Variants in ADCK1 observed in about 807,000 individuals in gnomAD.
The protein encoded by ADCK1 is aarF domain containing kinase 1.
A neutral mutation model predicts 52.3 loss-of-function variants in ADCK1; 41 were observed. The ratio of observed to expected loss-of-function variants is 0.78; its 90% CI spans 0.61 to 1.02. The LOEUF is 1.02. Ranked by LOEUF, ADCK1 falls within the 50% of genes least tolerant of loss-of-function variation. The probability of loss-of-function intolerance (pLI) is 0.00; values close to 1 mark genes in which losing one functional copy is unlikely to be tolerated. For synonymous variants in ADCK1, 250 were observed against 274.6 expected (o/e 0.91, Z 0.89); for missense variants, 658 against 679.5 (o/e 0.97, Z 0.35).
At chr14:77,839,000 C>G (rs1343979698) in intron 3 of ADCK1, among the ~76,000 whole-genome samples, 1 of 152,206 alleles carries the variant, frequency 6.6e-6, no homozygotes, top group African/African-American at 2.4e-5. Context: ...GCTGCTGTGT[C>G]TGCAGCACTA....
intron 4 of ADCK1, among the ~76,000 whole-genome samples, chr14:77,875,051 G>C (rs2082868136): frequency 6.6e-6 from 1 of 152,096 alleles, no homozygotes; most frequent in Non-Finnish European, 1.5e-5. Context: ...AGCTGAGCTG[G>C]GTGTGCTGAG....
chr14:77,876,889 C>T (rs528480453), intron 4 of ADCK1, among the ~76,000 whole-genome samples: 1 of 152,308 alleles, frequency 6.6e-6, no homozygotes, highest in East Asian at 1.9e-4. Context: ...ATCCAGAAAG[C>T]TTTTTACTGG....
At chr14:77,875,166 G>C (rs533497636) in intron 4 of ADCK1, among the ~76,000 whole-genome samples, 97 of 152,246 alleles carry the variant, frequency 6.4e-4, no homozygotes, top group African/African-American at 2.1e-3. Flanking sequence ...TTGGACATAG[G>C]GAAGTGGAGA....
At chr14:77,899,325 T>G (rs2083480032) in intron 6 of ADCK1, 67 bp downstream of exon 6, 6 of 1,576,962 alleles carry the variant, frequency 3.8e-6, no homozygotes, top group Non-Finnish European at 5.2e-6. Context: ...TGTGGGTCCC[T>G]GCCTTGAGCA....
chr14:77,881,911 G>A (rs1383366986), intron 4 of ADCK1, among the ~76,000 whole-genome samples: 1 of 152,232 alleles, frequency 6.6e-6, no homozygotes, highest in African/African-American at 2.4e-5. Context: ...TTACAAATCA[G>A]ACATGTTTAA....
chr14:77,886,999 C>T, intron 4 of ADCK1, 92 bp from the exon 5 acceptor site: 1 of 1,384,984 alleles, frequency 7.2e-7, no homozygotes, highest in Non-Finnish European at 9.6e-7. Context: ...CCTGGGGGCA[C>T]TAGGCAGCCC....
intron 4 of ADCK1, among the ~76,000 whole-genome samples, chr14:77,882,722 G>A (rs533511641): frequency 4.6e-5 from 7 of 151,940 alleles, no homozygotes; most frequent in African/African-American, 1.2e-4. Context: ...ACCTTATTTT[G>A]GTCTTGGCCA....
intron 5 of ADCK1, 118 bp from the exon 6 acceptor site, chr14:77,898,982 G>C (rs2083470521): frequency 1.5e-6 from 2 of 1,361,872 alleles, no homozygotes; most frequent in African/African-American, 1.5e-5. Context: ...ATTCAGAGGA[G>C]GGATGGGCCC....
chr14:77,864,451 G>C (rs1028687531), intron 4 of ADCK1, among the ~76,000 whole-genome samples: 13 of 152,168 alleles, frequency 8.5e-5, no homozygotes, highest in Non-Finnish European at 1.0e-4. Context: ...GCAGGAGAAG[G>C]CCTGCCTGGG....
chr14:77,868,047 G>A (rs2082699676), intron 4 of ADCK1, among the ~76,000 whole-genome samples: 1 of 152,186 alleles, frequency 6.6e-6, no homozygotes, highest in South Asian at 2.1e-4. Context: ...CACCTTGCCT[G>A]GTGCCTCGAT....
chr14:77,841,062 G>A (rs899191733), intron 3 of ADCK1, among the ~76,000 whole-genome samples: 2 of 152,146 alleles, frequency 1.3e-5, no homozygotes, highest in African/African-American at 2.4e-5. Flanking sequence ...GGTGGCAAGG[G>A]CATTATTCTG....
intron 3 of ADCK1, among the ~76,000 whole-genome samples, chr14:77,830,362 C>T (rs571849427): frequency 5.3e-5 from 8 of 151,322 alleles, no homozygotes; most frequent in Admixed American, 3.3e-4. Context: ...CCCATCTTGA[C>T]CAGGATGGTC....
At chr14:77,838,699 C>T (rs1382543354) in intron 3 of ADCK1, among the ~76,000 whole-genome samples, 2 of 152,182 alleles carry the variant, frequency 1.3e-5, no homozygotes, top group African/African-American at 2.4e-5. Flanking sequence ...CACCTGCTCC[C>T]GCTCCAGTTT....
intron 7 of ADCK1, among the ~76,000 whole-genome samples, chr14:77,920,778 T>C (rs541550487): frequency 2.6e-5 from 4 of 152,060 alleles, no homozygotes; most frequent in African/African-American, 4.8e-5. Flanking sequence ...CCACCCAAAG[T>C]AGATAGAACC....
At chr14:77,803,500 A>C (rs549585280) in intron 1 of ADCK1, among the ~76,000 whole-genome samples, 2 of 152,314 alleles carry the variant, frequency 1.3e-5, no homozygotes, top group Admixed American at 6.5e-5. Flanking sequence ...TCGTGTGACC[A>C]TCAGCTTCCC....
chr14:77,842,448 T>TTCC (rs1555350374), intron 3 of ADCK1, among the ~76,000 whole-genome samples: 1 of 92,288 alleles, frequency 1.1e-5, no homozygotes. Flanking sequence ...GGTATTTTTT[T>TTCC]TTCCTTCCTT....
At chr14:77,894,740 T>TTTTTTTTTTGTTTG (rs2083369696) in intron 5 of ADCK1, among the ~76,000 whole-genome samples, 1 of 68,588 alleles carries the variant, frequency 1.5e-5, no homozygotes, top group Non-Finnish European at 2.7e-5. Flanking sequence ...TTTCTTGTTT[T>TTTTTTTTTTGTTTG]TTTTTTTTTT....
At chr14:77,803,582 G>T (rs1479184236) in intron 1 of ADCK1, among the ~76,000 whole-genome samples, 1 of 152,184 alleles carries the variant, frequency 6.6e-6, no homozygotes. Context: ...GGTCCAGCGA[G>T]ATGGATTCCA....
At chr14:77,807,767 C>A (rs1431789504) in intron 1 of ADCK1, among the ~76,000 whole-genome samples, 4 of 152,048 alleles carry the variant, frequency 2.6e-5, no homozygotes, top group Non-Finnish European at 4.4e-5. Context: ...CCTCGGCTTC[C>A]CAAAGTGCTG....
Sources: allele counts gnomAD v4.1 joint callset (sites outside exome capture counted in the v4.1 genomes callset), GRCh38; gene constraint gnomAD v4.1.1; transcripts MANE v1.5; gene names NCBI Gene and HGNC (gene_info 2026-07-23, HGNC 2026-07-21).